The following DSCAM variants were observed in gnomAD, a reference collection of about 807,000 sequenced individuals.
The protein encoded by DSCAM is DS cell adhesion molecule.
Under a neutral mutation model 217.7 loss-of-function variants are expected in DSCAM, and 47 were observed. That is an observed-to-expected ratio of 0.22 (90% CI 0.17 to 0.28). The LOEUF is 0.28. Ranked by LOEUF, DSCAM falls within the 10% of genes least tolerant of loss-of-function variation. The probability of loss-of-function intolerance (pLI) is 1.00; values close to 1 mark genes in which losing one functional copy is unlikely to be tolerated. For synonymous variants in DSCAM, 1,056 were observed against 1,015.3 expected (o/e 1.04, Z -0.76); for missense variants, 2,080 against 2,618.3 (o/e 0.79, Z 4.49).
At chr21:40,529,441 C>T (rs1291076848) in intron 3 of DSCAM, among the ~76,000 whole-genome samples, 4 of 152,178 alleles carry the variant, frequency 2.6e-5, no homozygotes, top group Admixed American at 2.0e-4. Context: ...TTAGGAGCAA[C>T]CTTAACTGCA....
At chr21:40,514,955 C>T (rs572193193) in intron 3 of DSCAM, among the ~76,000 whole-genome samples, 42 of 152,144 alleles carry the variant, frequency 2.8e-4, no homozygotes, top group Non-Finnish European at 5.6e-4. Flanking sequence ...TAAACTAATG[C>T]AGCCTATAGC....
intron 9 of DSCAM, among the ~76,000 whole-genome samples, chr21:40,304,795 G>A (rs2074053806): frequency 6.6e-6 from 1 of 152,144 alleles, no homozygotes. Flanking sequence ...GAAATGGTTG[G>A]TTAGTAGAGT....
intron 3 of DSCAM, among the ~76,000 whole-genome samples, chr21:40,640,852 ACACG>A (rs2089869076): frequency 6.6e-6 from 1 of 151,996 alleles, no homozygotes; most frequent in African/African-American, 2.4e-5. Flanking sequence ...CAAAAACACC[ACACG>A]CACACACACA....
chr21:40,747,848 T>C (rs1432072009), intron 1 of DSCAM, among the ~76,000 whole-genome samples: 2 of 151,972 alleles, frequency 1.3e-5, no homozygotes, highest in East Asian at 3.9e-4. Flanking sequence ...CTGAATTCAA[T>C]AATATATTAA....
intron 1 of DSCAM, among the ~76,000 whole-genome samples, chr21:40,799,694 T>A (rs1453966912): frequency 1.3e-5 from 2 of 152,216 alleles, no homozygotes; most frequent in African/African-American, 4.8e-5. Flanking sequence ...GAGAGACACA[T>A]CATTCCAACC....
intron 8 of DSCAM, among the ~76,000 whole-genome samples, chr21:40,337,086 T>C (rs2074436721): frequency 6.6e-6 from 1 of 152,202 alleles, no homozygotes; most frequent in South Asian, 2.1e-4. Flanking sequence ...GTAATAATAG[T>C]ATACACATAT....
In DSCAM at chr21:40,705,197, A is replaced by G. The variant is rs141797762; in HGVS notation, c.361+3257T>C. The stretch of plus-strand genomic sequence containing the variant: ...ATTCTTTATCCCCATCCACTCACAT[A>G]CTAAACAACATCTTTGTTGCTTCCA... On this transcript the variant is annotated intron_variant, in intron 2 of 32. Transcript: ENST00000400454. Among the ~76,000 whole-genome samples the G allele has an allele frequency of 2.1e-3, 315 of 152,336 alleles. 1 individual carries two copies. The highest frequency in any genetic ancestry group is 6.9e-3 in the African/African-American group (288 of 41,588).
At chr21:40,348,338 T>C (rs557671996) in intron 5 of DSCAM, among the ~76,000 whole-genome samples, 329 of 152,234 alleles carry the variant, frequency 2.2e-3, no homozygotes, top group African/African-American at 7.4e-3. Flanking sequence ...ATACATTTTG[T>C]ATCAGCCACA....
intron 3 of DSCAM, among the ~76,000 whole-genome samples, chr21:40,639,017 C>G (rs2146337489): frequency 6.6e-6 from 1 of 151,914 alleles, no homozygotes; most frequent in African/African-American, 2.4e-5. Context: ...AGCTTTTCAG[C>G]AGGGGATTCC....
chr21:40,824,402 G>GTTTTTTTTT (rs2091951995), intron 1 of DSCAM, among the ~76,000 whole-genome samples: 1 of 116,226 alleles, frequency 8.6e-6, no homozygotes, highest in African/African-American at 4.1e-5. Flanking sequence ...TTTTATTATT[G>GTTTTTTTTT]ATTTTTTTTT....
intron 11 of DSCAM, among the ~76,000 whole-genome samples, chr21:40,265,982 C>T (rs191749234): frequency 1.5e-4 from 23 of 152,100 alleles, no homozygotes; most frequent in East Asian, 1.4e-3. Flanking sequence ...CAAAAGCAAA[C>T]GCAACAAAAG....
intron 3 of DSCAM, among the ~76,000 whole-genome samples, chr21:40,406,990 G>T (rs1205947803): frequency 1.3e-5 from 2 of 152,142 alleles, no homozygotes; most frequent in Non-Finnish European, 2.9e-5. Flanking sequence ...GGGCTGACAG[G>T]TGGAGGGATT....
chr21:40,773,100 T>A (rs753158784), intron 1 of DSCAM, among the ~76,000 whole-genome samples: 8 of 152,184 alleles, frequency 5.3e-5, no homozygotes, highest in Non-Finnish European at 1.0e-4. Context: ...TGAAACCACA[T>A]CCCTGACTTA....
chr21:40,588,387 A>G (rs2076961589), intron 3 of DSCAM, among the ~76,000 whole-genome samples: 1 of 152,226 alleles, frequency 6.6e-6, no homozygotes. Context: ...CATTAGTCAG[A>G]ACATCTAAAG....
intron 3 of DSCAM, among the ~76,000 whole-genome samples, chr21:40,567,224 A>G (rs563216526): frequency 1.5e-4 from 23 of 152,222 alleles, no homozygotes; most frequent in Non-Finnish European, 2.4e-4. Flanking sequence ...CACTGAACTT[A>G]CTGTGCCTAG....
At chr21:40,275,188 G>A (rs923773764) in intron 11 of DSCAM, among the ~76,000 whole-genome samples, 1 of 151,882 alleles carries the variant, frequency 6.6e-6, no homozygotes, top group Non-Finnish European at 1.5e-5. Flanking sequence ...AAAAAAGCTG[G>A]GCTCAGTGGC....
At chr21:40,040,405 G>A (rs2088724092) in intron 32 of DSCAM, among the ~76,000 whole-genome samples, 1 of 152,136 alleles carries the variant, frequency 6.6e-6, no homozygotes, top group Non-Finnish European at 1.5e-5. Flanking sequence ...CTGTAATTAT[G>A]TAAAGGCCTG....
intron 11 of DSCAM, among the ~76,000 whole-genome samples, chr21:40,271,851 G>A (rs919509562): frequency 2.0e-5 from 3 of 152,104 alleles, no homozygotes; most frequent in Non-Finnish European, 4.4e-5. Flanking sequence ...TTTGTCTGTG[G>A]TATGTAAAAT....
intron 3 of DSCAM, among the ~76,000 whole-genome samples, chr21:40,485,415 T>TGTATTTTA (rs1389695215): frequency 1.3e-5 from 2 of 151,614 alleles, no homozygotes; most frequent in Non-Finnish European, 2.9e-5. Context: ...GCTAATTTTT[T>TGTATTTTA]GTATTTTTAG....
Sources: gnomAD v4.1 joint callset for allele counts (sites outside exome capture counted in the v4.1 genomes callset) on GRCh38, gnomAD v4.1.1 for gene constraint, MANE v1.5 for transcripts, NCBI Gene and HGNC (gene_info 2026-07-23, HGNC 2026-07-21) for gene names.